Variants in LIN54 observed in about 807,000 individuals in gnomAD.
LIN54 encodes the protein lin-54 DREAM MuvB core complex component, also known as protein lin-54 homolog.
Under a neutral mutation model 78.7 loss-of-function variants are expected in LIN54, and 9 were observed. The ratio of observed to expected loss-of-function variants is 0.11; its 90% CI spans 0.07 to 0.20. The LOEUF (loss-of-function observed/expected upper bound fraction) is 0.20. LIN54 is among the 10% of genes least tolerant of loss of function. LIN54 has a pLI of 1.00. For synonymous variants in LIN54, 269 were observed against 318.4 expected (o/e 0.84, Z 1.65); for missense variants, 573 against 889.9 (o/e 0.64, Z 4.53).
At position 83,001,875 on chromosome 4, in the gene LIN54, G is replaced by GA. The variant is rs1560795756; in HGVS notation, c.-33+8608dup. ...AAAAAAAAAAAGGATAGGAAGGAAG[G>GA]AAGGAAGGAAGGAAGGAAGGAGGGA... On this transcript the variant is annotated intron_variant, in intron 1 of 12. Coordinates refer to ENST00000340417, the MANE Select transcript of LIN54 (RefSeq NM_194282.4). Among the ~76,000 whole-genome samples, 6 of 5,628 alleles carry GA rather than the reference G, an allele frequency of 1.1e-3. 1 individual carries two copies. Among genetic ancestry groups the GA allele is most frequent in the African/African-American group, 3.8e-3 (3 of 792 alleles). The allele number at this position is 5,628 out of a possible 152,430, so 3.7% of individuals were successfully genotyped here. A position where few individuals can be genotyped will look rare whatever the true frequency, so the allele number is the denominator to read the frequency against.
rs533016055 is a variant in LIN54, at chr4:82,938,808, T to G, written c.1441-304A>C. 3.9e-5 allele frequency among the ~76,000 whole-genome samples: 6 copies of G among 152,334 alleles called. No individual in the cohort carries two copies. In the South Asian group the frequency reaches 1.2e-3, roughly 32 times the overall value. ...AATGCTCTCAAAGTACTGTAATAAC[T>G]TGTTTGGGCTAGAAAAATGCAATGT... On this transcript the variant is annotated intron_variant, in intron 7 of 12. Coordinates refer to ENST00000340417, the MANE Select transcript of LIN54 (RefSeq NM_194282.4).
At chr4:83,007,693 G>C (rs1342107807) in intron 1 of LIN54, among the ~76,000 whole-genome samples, 1 of 152,038 alleles carries the variant, frequency 6.6e-6, no homozygotes, top group African/African-American at 2.4e-5. Context: ...TTTGAGACCA[G>C]CCTGGCCAAC....
intron 1 of LIN54, among the ~76,000 whole-genome samples, chr4:83,000,840 T>TTTTTTTTTTTTTTC: frequency 6.7e-6 from 1 of 150,236 alleles, no homozygotes; most frequent in African/African-American, 2.5e-5. Flanking sequence ...TTTTTTTTTT[T>TTTTTTTTTTTTTTC]GGAGATAGAG....
At chr4:82,959,387 C>G (rs1466944073) in intron 4 of LIN54, among the ~76,000 whole-genome samples, 4 of 151,946 alleles carry the variant, frequency 2.6e-5, no homozygotes, top group Admixed American at 2.6e-4. Flanking sequence ...CCTAGCTATT[C>G]AGGAGGCTGA....
chr4:83,002,350 T>C (rs6535425), intron 1 of LIN54, among the ~76,000 whole-genome samples: 117,192 of 148,376 alleles, frequency 0.79, 46,191 homozygotes, highest in Admixed American at 0.83. Context: ...ACCAGCAACA[T>C]AGCGAGACCT....
chr4:82,977,692 T>C (rs561842034), intron 3 of LIN54, among the ~76,000 whole-genome samples: 2 of 152,342 alleles, frequency 1.3e-5, no homozygotes, highest in East Asian at 1.9e-4. Context: ...TCAGTTAATA[T>C]TTGAGTACCC....
rs1382009808 is a variant in LIN54, at chr4:82,928,194, G to A, written c.2158C>T (p.Arg720Trp). The A allele has an allele frequency of 2.5e-6, 4 of 1,614,094 alleles. No homozygotes were observed. Among genetic ancestry groups the A allele is most frequent in the East Asian group, 2.2e-5 (1 of 44,904 alleles). The change falls in exon 13 of 13, where the codon CGG becomes TGG. Residue 720 changes from arginine (R) to tryptophan (W), a missense_variant. Physicochemically the swap from Arg to Trp is moderately radical, Grantham distance 101 (BLOSUM62 -3). This residue lies in a region of LIN54 where 82 missense variants were observed against 140.8 expected (regional missense o/e 0.58). Transcript: ENST00000340417. The part of the protein sequence containing the change: ...KKGKSKAAAE[R>W]MILEEFGRCL... Reference sequence around the variant, plus strand: ...CGTCCGAATTCCTCAAGTATCATCCGTTCCGCTGCTGCCTTTGATTTTCCC... The same window carrying A: ...CGTCCGAATTCCTCAAGTATCATCCATTCCGCTGCTGCCTTTGATTTTCCC...
intron 1 of LIN54, among the ~76,000 whole-genome samples, chr4:83,007,318 T>C (rs1203554698): frequency 1.3e-5 from 2 of 151,906 alleles, no homozygotes; most frequent in South Asian, 2.1e-4. Context: ...TGAACAAATA[T>C]ACAAAAATAA....
chr4:82,980,955 A>G (rs1428773392), intron 2 of LIN54, among the ~76,000 whole-genome samples: 3 of 152,156 alleles, frequency 2.0e-5, no homozygotes, highest in African/African-American at 4.8e-5. Context: ...CAAATAAACA[A>G]TCTCATCTTG....
rs1386575747 is a variant in LIN54, at chr4:82,998,311, G to A, written c.-33+12173C>T. The stretch of plus-strand genomic sequence containing the variant: ...TGTAATCCCAGCACTTTGGGAGGCT[G>A]AGGCGGACAGATCACGAGGTCAGGA... On this transcript the variant is annotated intron_variant, in intron 1 of 12. Transcript: ENST00000340417. 4.7e-3 allele frequency among the ~76,000 whole-genome samples: 718 copies of A among 151,504 alleles called. 5 individuals are homozygous for A. The highest frequency in any genetic ancestry group is 7.0e-3 in the Non-Finnish European group (471 of 67,634).
At chr4:82,989,979 C>A (rs1205264042) in intron 1 of LIN54, among the ~76,000 whole-genome samples, 1 of 152,184 alleles carries the variant, frequency 6.6e-6, no homozygotes, top group Non-Finnish European at 1.5e-5. Flanking sequence ...TGGTATGTTT[C>A]AATCCTACCT....
chr4:82,947,223 A>ATTTTTT (rs1339545376), intron 4 of LIN54, among the ~76,000 whole-genome samples: 42 of 17,510 alleles, frequency 2.4e-3, no homozygotes, highest in African/African-American at 7.0e-3. Flanking sequence ...ATATATATAT[A>ATTTTTT]TATATATATA....
At chr4:83,000,587 G>C (rs1728673620) in intron 1 of LIN54, among the ~76,000 whole-genome samples, 1 of 152,078 alleles carries the variant, frequency 6.6e-6, no homozygotes, top group African/African-American at 2.4e-5. Context: ...AGAACCCCAT[G>C]TTTTCAACAC....
At chr4:82,957,415 A>G (rs562446302) in intron 4 of LIN54, among the ~76,000 whole-genome samples, 1 of 152,344 alleles carries the variant, frequency 6.6e-6, no homozygotes, top group Admixed American at 6.5e-5. Context: ...CTCTTGTCTC[A>G]GAAACATCCC....
rs888794437 is a variant in LIN54, at chr4:82,949,116, A to G, written c.952-2642T>C. Among the ~76,000 whole-genome samples, 4 of 152,138 alleles carry G rather than the reference A, an allele frequency of 2.6e-5. No individual in the cohort carries two copies. The East Asian group carries it at 7.7e-4, about 29-fold the overall frequency. On this transcript the variant is annotated intron_variant, in intron 4 of 12. Coordinates refer to ENST00000340417, the MANE Select transcript of LIN54 (RefSeq NM_194282.4). ...ACTGTTTTCCATAATGGCTGCACCA[A>G]TCTACATTCCCACAATCAATATACA...
At chr4:82,940,567 AT>A (rs2126037815) in intron 5 of LIN54, among the ~76,000 whole-genome samples, 1 of 152,198 alleles carries the variant, frequency 6.6e-6, no homozygotes, top group South Asian at 2.1e-4. Context: ...TAATTTTTGT[AT>A]TTTTAGTAGA....
chr4:82,950,829 T>C (rs1723789692), intron 4 of LIN54, among the ~76,000 whole-genome samples: 1 of 152,108 alleles, frequency 6.6e-6, no homozygotes, highest in Non-Finnish European at 1.5e-5. Context: ...CCAAAAGTCC[T>C]TACTTAAAAT....
intron 1 of LIN54, among the ~76,000 whole-genome samples, chr4:83,002,104 G>A (rs1728896569): frequency 6.6e-6 from 1 of 151,038 alleles, no homozygotes. Context: ...TGTAGAAGAA[G>A]CACAGAAAAC....
intron 12 of LIN54, among the ~76,000 whole-genome samples, chr4:82,929,562 T>C (rs894332681): frequency 6.6e-6 from 1 of 152,118 alleles, no homozygotes. Flanking sequence ...CCCAGCACTT[T>C]GGGAGACTGA....
Sources: allele counts gnomAD v4.1 joint callset (sites outside exome capture counted in the v4.1 genomes callset), GRCh38; gene constraint gnomAD v4.1.1; regional missense constraint gnomAD v4.1.1; transcripts MANE v1.5; gene names NCBI Gene and HGNC (gene_info 2026-07-23, HGNC 2026-07-21).